Variants in ATF5 observed in about 807,000 individuals in gnomAD.
ATF5 encodes the protein activating transcription factor 5.
In ATF5, 6 loss-of-function variants were observed where a neutral mutation model predicts 4.6. The ratio of observed to expected loss-of-function variants is 1.31; its 90% CI spans 0.72 to 2.59. The LOEUF (loss-of-function observed/expected upper bound fraction) is 2.59. ATF5 is among the 30% of genes most tolerant of loss of function. ATF5 has a pLI of 0.00. For synonymous variants in ATF5, 193 were observed against 165.0 expected (o/e 1.17, Z -1.30); for missense variants, 410 against 368.7 (o/e 1.11, Z -0.92).
rs201522227 is a variant in ATF5 at position 49,931,011 on chromosome 19, G to A, written c.161G>A (p.Gly54Glu). 481 of 1,551,970 alleles carry A rather than the reference G, an allele frequency of 3.1e-4. No individual in the cohort carries two copies. Among genetic ancestry groups the A allele is most frequent in the Non-Finnish European group, 4.1e-4 (471 of 1,147,442 alleles). Residue 54 changes from glycine to glutamate, a missense_variant, in exon 2 of 3, where the codon GGG (glycine) becomes GAG (glutamate). Gly to Glu is a moderately conservative substitution (Grantham distance 98, BLOSUM62 -2). Coordinates refer to ENST00000423777, the MANE Select transcript of ATF5 (RefSeq NM_001193646.2). ...GCCCTGGAGGGCGGGCTTCCAGTGG[G>A]GGGAGAGCCCCTGGCAGGTAAGGGC... ...GGALEGGLPVGGEPLAGDGFS... is the reference protein window; with the variant it reads ...GGALEGGLPVEGEPLAGDGFS...
chr19:49,929,469 G>A (rs1377165313), intron 1 of ATF5, 69 bp downstream of exon 1: 2 of 152,486 alleles, frequency 1.3e-5, no homozygotes, highest in African/African-American at 2.4e-5. Flanking sequence ...CCTCTTTAGG[G>A]AGCCCTGGGG....
chr19:49,933,103 G>C lies in ATF5; in HGVS notation c.*11G>C, dbSNP rs371198290. 222 of 1,565,744 alleles carry C rather than the reference G, an allele frequency of 1.4e-4. No homozygotes were observed. Among genetic ancestry groups the C allele is most frequent in the Non-Finnish European group, 1.7e-4 (198 of 1,152,038 alleles). On this transcript the variant is annotated 3_prime_UTR_variant, in exon 3 of 3. Coordinates refer to ENST00000423777, the MANE Select transcript of ATF5 (RefSeq NM_001193646.2). ...ACCCGTAGCTGCTAGAAGGGCAGGG[G>C]TGTGGCTTCTGGGGGCTGGTCTTCA...
At chr19:49,931,860 G>A (rs1464682555) in intron 2 of ATF5, among the ~76,000 whole-genome samples, 1 of 151,122 alleles carries the variant, frequency 6.6e-6, no homozygotes, top group Admixed American at 6.6e-5. Flanking sequence ...TGTGTAATGT[G>A]ATCTAGTTTG....
intron 2 of ATF5, 133 bp downstream of exon 2, chr19:49,931,161 G>C: frequency 1.3e-6 from 1 of 786,164 alleles, no homozygotes; most frequent in Non-Finnish European, 1.9e-6. Flanking sequence ...CTGAGGATAC[G>C]GCTGGGAACA....
intron 2 of ATF5, 150 bp downstream of exon 2, chr19:49,931,178 A>C: frequency 1.5e-6 from 1 of 662,752 alleles, no homozygotes; most frequent in Non-Finnish European, 2.4e-6. Context: ...AACAAGAAGA[A>C]CATGGTCTGT....
Position 49,932,981 on chromosome 19 carries a change from G to A in ATF5, c.738G>A (p.Arg246=). ...LEGECQGLEA[R]NRELKERAES... Reference sequence around the variant, plus strand: ...GCGAGTGCCAGGGGCTGGAGGCACGGAATCGCGAGCTGAAGGAACGGGCAG... The same window carrying A: ...GCGAGTGCCAGGGGCTGGAGGCACGAAATCGCGAGCTGAAGGAACGGGCAG... The change falls in exon 3 of 3, where the codon CGG becomes CGA. Residue 246 remains arginine (R), a synonymous_variant. Coordinates refer to ENST00000423777, the MANE Select transcript of ATF5 (RefSeq NM_001193646.2). The A allele has an allele frequency of 6.2e-7, 1 of 1,614,042 alleles. No individual in the cohort carries two copies. The highest frequency in any genetic ancestry group is 8.5e-7 in the Non-Finnish European group (1 of 1,179,974).
chr19:49,933,763 A>G lies in ATF5; in HGVS notation c.*671A>G, dbSNP rs2076089806. ...GCGGGAAGATGAGCAGGCCAGTGGG[A>G]GGAGGGGCAGGGCAGGGCTGTAGTT... On this transcript the variant is annotated 3_prime_UTR_variant, in exon 3 of 3. Coordinates refer to ENST00000423777, the MANE Select transcript of ATF5 (RefSeq NM_001193646.2). The G allele has an allele frequency of 1.3e-5, 2 of 153,270 alleles. No homozygotes were observed. Among genetic ancestry groups the G allele is most frequent in the Admixed American group, 6.6e-5 (1 of 15,264 alleles). The allele number at this position is 153,270 out of a possible 1,614,324, so 9.5% of individuals were successfully genotyped here. A position where few individuals can be genotyped will look rare whatever the true frequency, so the allele number is the denominator to read the frequency against.
Position 49,930,782 on chromosome 19 carries a change from A to T in ATF5, c.-69A>T. 1 of 1,391,548 alleles carries T rather than the reference A, an allele frequency of 7.2e-7. No individual in the cohort carries two copies. The highest frequency in any genetic ancestry group is 9.6e-7 in the Non-Finnish European group (1 of 1,040,312). The allele number at this position is 1,391,548 out of a possible 1,614,324, so 86.2% of individuals were successfully genotyped here. On this transcript the variant is annotated 5_prime_UTR_variant, in exon 2 of 3. Coordinates refer to ENST00000423777, the MANE Select transcript of ATF5 (RefSeq NM_001193646.2). The stretch of plus-strand genomic sequence containing the variant: ...GTCTTCGCCCACCTGAGCATCCTCC[A>T]GAGCCTCGTGCCAGCTGCTGGTGCA...
At chr19:49,929,014 C>G (rs1461031259), upstream of ATF5, 1 of 152,302 alleles carries the variant, frequency 6.6e-6, no homozygotes. Flanking sequence ...GAGGTCGGAT[C>G]CCCAGCTGAG....
chr19:49,932,450 G>T lies in ATF5; in HGVS notation c.207G>T (p.Glu69Asp). Residue 69 changes from glutamate to aspartate, a missense_variant, in exon 3 of 3, where the codon GAG becomes GAT. Coordinates refer to ENST00000423777, the MANE Select transcript of ATF5 (RefSeq NM_001193646.2). ...AGDGFSDWMT[E>D]RVDFTALLPL... Reference sequence around the variant, plus strand: ...ATGGCTTCTCTGACTGGATGACTGAGCGAGTTGATTTCACAGCTCTCCTCC... The same window carrying T: ...ATGGCTTCTCTGACTGGATGACTGATCGAGTTGATTTCACAGCTCTCCTCC... 1.2e-6 allele frequency: 2 copies of T among 1,613,738 alleles called. No individual in the cohort carries two copies. Among genetic ancestry groups the T allele is most frequent in the Non-Finnish European group, 1.7e-6 (2 of 1,179,848 alleles).
Position 49,932,652 on chromosome 19 carries a change from C to T in ATF5, c.409C>T (p.Pro137Ser). The T allele has an allele frequency of 3.3e-6, 5 of 1,520,346 alleles. No homozygotes were observed. Among genetic ancestry groups the T allele is most frequent in the Non-Finnish European group, 4.4e-6 (5 of 1,123,734 alleles). 94.2% of individuals were successfully genotyped at this position (1,520,346 alleles called of 1,614,324 possible). ...GCCACTACCACCACCACCACTACCACCAGCCCCCTCCCTCCCCCTGTCCCT... is the reference window on the plus strand; with the variant it reads ...GCCACTACCACCACCACCACTACCATCAGCCCCCTCCCTCCCCCTGTCCCT... ...PPPLPPPPLP[P>S]APSLPLSLPS... is the part of the protein sequence containing the mutation. Residue 137 changes from proline to serine, a missense_variant, in exon 3 of 3, where the codon CCA (proline) becomes TCA (serine). Coordinates refer to ENST00000423777, the MANE Select transcript of ATF5 (RefSeq NM_001193646.2).
chr19:49,932,746 A>G lies in ATF5; in HGVS notation c.503A>G (p.Asn168Ser), dbSNP rs1436407004. The change falls in exon 3 of 3, where the codon AAC becomes AGC. Residue 168 changes from asparagine to serine, a missense_variant. Asn to Ser is a conservative substitution (Grantham distance 46, BLOSUM62 1). Coordinates refer to ENST00000423777, the MANE Select transcript of ATF5 (RefSeq NM_001193646.2). ...TLDLLAIYCRNEAGQEEVGMP... is the reference protein window; with the variant it reads ...TLDLLAIYCRSEAGQEEVGMP... ...GACTTGCTGGCCATCTACTGCCGCA[A>G]CGAGGCCGGGCAGGAGGAAGTGGGG... The G allele has an allele frequency of 2.5e-6, 4 of 1,608,232 alleles. No individual in the cohort carries two copies. The highest frequency in any genetic ancestry group is 3.4e-6 in the Non-Finnish European group (4 of 1,178,068).
Position 49,933,183 on chromosome 19 carries a change from G to C in ATF5, c.*91G>C. 7.5e-7 allele frequency: 1 copy of C among 1,340,714 alleles called. No homozygotes were observed. The highest frequency in any genetic ancestry group is 1.0e-6 in the Non-Finnish European group (1 of 1,004,112). The allele number at this position is 1,340,714 out of a possible 1,614,324, so 83.1% of individuals were successfully genotyped here. On this transcript the variant is annotated 3_prime_UTR_variant, in exon 3 of 3. Transcript: ENST00000423777. The stretch of plus-strand genomic sequence containing the variant: ...CCTTCATTCCAAACCCCTCTCGGCC[G>C]GGTGCAGTGGCTTATGCTTGTAATC...
chr19:49,932,399 G>A (rs908480604), intron 2 of ATF5, 23 bp from the exon 3 acceptor site: 9 of 1,613,712 alleles, frequency 5.6e-6, no homozygotes, highest in Middle Eastern at 1.6e-4. Flanking sequence ...GGAATTTTGT[G>A]TCCCTCCCCA....
At position 49,930,721 on chromosome 19, in the gene ATF5, C is replaced by G. The variant is rs2076046416; in HGVS notation, c.-119-11C>G. 2 of 722,738 alleles carry G rather than the reference C, an allele frequency of 2.8e-6. No individual in the cohort carries two copies. The highest frequency in any genetic ancestry group is 1.8e-5 in the African/African-American group (1 of 54,972). The allele number at this position is 722,738 out of a possible 1,614,324, so 44.8% of individuals were successfully genotyped here. ...GTCCTGACCACACCCACTCTTGTCT[C>G]ACGCGTGTAGGTCTTCCACTTTCGC... On this transcript the variant is annotated splice_polypyrimidine_tract_variant and intron_variant, in intron 1 of 2. Coordinates refer to ENST00000423777, the MANE Select transcript of ATF5 (RefSeq NM_001193646.2).
At chr19:49,932,376 A>T in intron 2 of ATF5, 46 bp from the exon 3 acceptor site, 2 of 1,601,938 alleles carry the variant, frequency 1.2e-6, no homozygotes, top group Non-Finnish European at 1.7e-6. Context: ...TACGCAGAAG[A>T]CCAGCAACTC....
In ATF5 at chr19:49,930,790, G is replaced by C. The variant is rs546493474; in HGVS notation, c.-61G>C. On this transcript the variant is annotated 5_prime_UTR_variant, in exon 2 of 3. Transcript: ENST00000423777. ...CCACCTGAGCATCCTCCAGAGCCTC[G>C]TGCCAGCTGCTGGTGCAGCCTCTCC... The C allele has an allele frequency of 5.8e-5, 83 of 1,427,294 alleles. No homozygotes were observed. Among genetic ancestry groups the C allele is most frequent in the East Asian group, 1.2e-4 (5 of 40,344 alleles). The allele number at this position is 1,427,294 out of a possible 1,614,324, so 88.4% of individuals were successfully genotyped here.
Position 49,932,721 on chromosome 19 carries a change from G to A in ATF5, c.478G>A (p.Asp160Asn). ...CCAGCCCCCTGTCTTGGATACTCTGGACTTGCTGGCCATCTACTGCCGCAA... is the reference window on the plus strand; with the variant it reads ...CCAGCCCCCTGTCTTGGATACTCTGAACTTGCTGGCCATCTACTGCCGCAA... Reference protein sequence around the residue: ...LPQPPVLDTLDLLAIYCRNEA... With the variant: ...LPQPPVLDTLNLLAIYCRNEA... The change falls in exon 3 of 3, where the codon GAC (aspartate) becomes AAC (asparagine). Residue 160 changes from aspartate (D) to asparagine (N), a missense_variant. Coordinates refer to ENST00000423777, the MANE Select transcript of ATF5 (RefSeq NM_001193646.2). 3 of 1,606,930 alleles carry A rather than the reference G, an allele frequency of 1.9e-6. No homozygotes were observed. Among genetic ancestry groups the A allele is most frequent in the Middle Eastern group, 1.7e-4 (1 of 6,030 alleles).
At position 49,930,740 on chromosome 19, in the gene ATF5, C is replaced by T. The variant is rs1184855812; in HGVS notation, c.-111C>T. On this transcript the variant is annotated 5_prime_UTR_variant, in exon 2 of 3. Coordinates refer to ENST00000423777, the MANE Select transcript of ATF5 (RefSeq NM_001193646.2). ...TTGTCTCACGCGTGTAGGTCTTCCA[C>T]TTTCGCCTTGGTGCCTGTCTTCGCC... The T allele has an allele frequency of 1.1e-6, 1 of 919,690 alleles. No individual in the cohort carries two copies. Among genetic ancestry groups the T allele is most frequent in the South Asian group, 2.0e-5 (1 of 49,392 alleles). 57.0% of individuals were successfully genotyped at this position (919,690 alleles called of 1,614,324 possible).
Sources: allele counts gnomAD v4.1 joint callset (sites outside exome capture counted in the v4.1 genomes callset), GRCh38; gene constraint gnomAD v4.1.1; transcripts MANE v1.5; gene names NCBI Gene and HGNC (gene_info 2026-07-23, HGNC 2026-07-21).